Variants in IKZF2 observed in about 807,000 individuals in gnomAD.
IKZF2 encodes zinc finger protein Helios.
IKZF2 carries 15 observed loss-of-function variants against 49.2 expected under a neutral mutation model. That is an observed-to-expected ratio of 0.30 (90% confidence interval 0.20 to 0.47). IKZF2 has a LOEUF of 0.47. Ranked by LOEUF, IKZF2 falls within the 20% of genes least tolerant of loss-of-function variation. The pLI, the probability that IKZF2 is intolerant of heterozygous loss-of-function variation, is 1.00. For synonymous variants in IKZF2, 227 were observed against 221.4 expected, an observed-to-expected ratio of 1.03 and a Z score of -0.23; for missense variants, 567 against 664.6, an observed-to-expected ratio of 0.85 and a Z score of 1.61.
At chr2:213,110,906 T>C (rs2125769570) in intron 4 of IKZF2, among the ~76,000 whole-genome samples, 1 of 152,122 alleles carries the variant, frequency 6.6e-6, no homozygotes, top group Admixed American at 6.5e-5. Context: ...ACTTTATATG[T>C]GTAGGAGCCA....
intron 4 of IKZF2, among the ~76,000 whole-genome samples, chr2:213,093,128 TC>T (rs1252714159): frequency 1.3e-5 from 2 of 152,140 alleles, no homozygotes; most frequent in African/African-American, 2.4e-5. Context: ...TCTGCTCTTC[TC>T]CCCACCCAAC....
intron 4 of IKZF2, among the ~76,000 whole-genome samples, chr2:213,066,483 G>A (rs1412751968): frequency 1.3e-5 from 2 of 152,028 alleles, no homozygotes; most frequent in Admixed American, 1.3e-4. Flanking sequence ...TTCTTTCCCT[G>A]CTGTTCTTCC....
At chr2:213,124,384 A>T (rs2060187078) in intron 4 of IKZF2, among the ~76,000 whole-genome samples, 1 of 152,138 alleles carries the variant, frequency 6.6e-6, no homozygotes, top group African/African-American at 2.4e-5. Flanking sequence ...CTCTGTCATG[A>T]AACTGCCATT....
At chr2:213,072,423 T>C (rs543890386) in intron 4 of IKZF2, among the ~76,000 whole-genome samples, 1 of 152,170 alleles carries the variant, frequency 6.6e-6, no homozygotes, top group South Asian at 2.1e-4. Context: ...ATACACAGTG[T>C]TATACAATAG....
intron 1 of IKZF2, 73 bp from the exon 2 acceptor site, chr2:213,150,320 C>T (rs1419525346): frequency 1.1e-5 from 6 of 532,832 alleles, no homozygotes; most frequent in East Asian, 6.8e-5. Flanking sequence ...CCCTTGCCCC[C>T]TCCAAGCCAA....
intron 6 of IKZF2, among the ~76,000 whole-genome samples, chr2:213,032,901 A>G (rs1046313714): frequency 2.0e-5 from 3 of 152,234 alleles, no homozygotes; most frequent in Non-Finnish European, 4.4e-5. Flanking sequence ...TTGCCACATC[A>G]GTCAACACTT....
At chr2:213,073,779 G>A (rs905431490) in intron 4 of IKZF2, among the ~76,000 whole-genome samples, 1 of 152,146 alleles carries the variant, frequency 6.6e-6, no homozygotes, top group African/African-American at 2.4e-5. Context: ...GCACGATCTT[G>A]GCTCACTGCA....
At chr2:213,108,540 A>G (rs1333343231) in intron 4 of IKZF2, among the ~76,000 whole-genome samples, 1 of 152,162 alleles carries the variant, frequency 6.6e-6, no homozygotes, top group Non-Finnish European at 1.5e-5. Context: ...ATCGGGCTAC[A>G]GTGGTAGTGT....
chr2:213,017,013 T>C (rs1004512313), intron 7 of IKZF2: 1 of 152,092 alleles, frequency 6.6e-6, no homozygotes, highest in East Asian at 1.9e-4. Flanking sequence ...ATGTCTTCTA[T>C]ATTGTTGCAA....
intron 4 of IKZF2, among the ~76,000 whole-genome samples, chr2:213,112,236 A>G (rs556852490): frequency 6.6e-6 from 1 of 151,728 alleles, no homozygotes; most frequent in East Asian, 1.9e-4. Flanking sequence ...ATTTAACAAT[A>G]CATTAATTCA....
At chr2:213,113,947 T>C (rs1000880463) in intron 4 of IKZF2, among the ~76,000 whole-genome samples, 6 of 152,168 alleles carry the variant, frequency 3.9e-5, no homozygotes, top group Admixed American at 6.5e-5. Context: ...AATGCCTATC[T>C]CCCACTGCAA....
intron 4 of IKZF2, among the ~76,000 whole-genome samples, chr2:213,089,647 T>C (rs1342784869): frequency 6.6e-6 from 1 of 152,122 alleles, no homozygotes; most frequent in Non-Finnish European, 1.5e-5. Flanking sequence ...GCCAAAAATT[T>C]AACCTCCACT....
intron 4 of IKZF2, among the ~76,000 whole-genome samples, chr2:213,130,457 G>A (rs1311979921): frequency 1.3e-5 from 2 of 152,158 alleles, no homozygotes; most frequent in Admixed American, 6.5e-5. Context: ...CTTCACACTT[G>A]AAAAGGAAGC....
At chr2:213,012,925 T>C (rs1019621141) in intron 8 of IKZF2, among the ~76,000 whole-genome samples, 4 of 152,060 alleles carry the variant, frequency 2.6e-5, no homozygotes, top group African/African-American at 9.6e-5. Flanking sequence ...AACAATTCTT[T>C]TTATTGAATC....
chr2:213,030,331 T>C (rs1265739429), intron 6 of IKZF2, among the ~76,000 whole-genome samples: 2 of 152,080 alleles, frequency 1.3e-5, no homozygotes, highest in Admixed American at 6.5e-5. Context: ...AATGATTAAG[T>C]GGGAAAAGAA....
intron 4 of IKZF2, among the ~76,000 whole-genome samples, chr2:213,091,427 T>C (rs79979419): frequency 0.019 from 2,870 of 152,254 alleles, 36 homozygotes; most frequent in South Asian, 0.043. Flanking sequence ...CCAAACAGTA[T>C]TGATTAATGA....
chr2:213,031,848 T>C (rs531837872), intron 6 of IKZF2, among the ~76,000 whole-genome samples: 2 of 152,338 alleles, frequency 1.3e-5, no homozygotes, highest in East Asian at 1.9e-4. Context: ...TGTTTATTCA[T>C]ACAACATGTA....
In IKZF2 at chr2:213,057,092, T is replaced by C. The variant is rs753353331; in HGVS notation, c.147A>G (p.Ser49=). ...CATCACTCTGCATTTCTAGCTTTAC[T>C]GAATTTGCTGTAATTTGAAAAGAAG... ...ASPSHMTSTN[S]VKLEMQSDEE... Residue 49 remains serine, a synonymous_variant, in exon 5 of 9, where the codon TCA becomes TCG. Coordinates refer to ENST00000434687, the MANE Select transcript of IKZF2 (RefSeq NM_001387220.1). 2 of 1,610,248 alleles carry C rather than the reference T, an allele frequency of 1.2e-6. No homozygotes were observed. The highest frequency in any genetic ancestry group is 1.1e-5 in the South Asian group (1 of 90,090).
intron 4 of IKZF2, among the ~76,000 whole-genome samples, chr2:213,075,291 G>A (rs987942300): frequency 6.6e-6 from 1 of 152,000 alleles, no homozygotes; most frequent in Non-Finnish European, 1.5e-5. Context: ...ATGTGTTTAT[G>A]TTCATTAGCA....
Sources: allele counts gnomAD v4.1 joint callset (sites outside exome capture counted in the v4.1 genomes callset), GRCh38; gene constraint gnomAD v4.1.1; transcripts MANE v1.5; gene names NCBI Gene and HGNC (gene_info 2026-07-23, HGNC 2026-07-21).